EYA3: variants seen among roughly 807,000 people sequenced by gnomAD.
EYA3 encodes the protein EYA transcriptional coactivator and phosphatase 3.
In EYA3, 39 loss-of-function variants were observed where a neutral mutation model predicts 80.0. The ratio of observed to expected loss-of-function variants is 0.49; its 90% confidence interval spans 0.38 to 0.64. The LOEUF is 0.64. EYA3 is among the 30% of genes least tolerant of loss of function. The probability of loss-of-function intolerance (pLI) is 0.00; values close to 1 mark genes in which losing one functional copy is unlikely to be tolerated. For synonymous variants in EYA3, 206 were observed against 232.8 expected (o/e 0.88, Z 1.05); for missense variants, 523 against 676.1 (o/e 0.77, Z 2.51).
intron 10 of EYA3, among the ~76,000 whole-genome samples, chr1:28,007,916 G>T (rs1641409158): frequency 6.6e-6 from 1 of 151,946 alleles, no homozygotes; most frequent in Admixed American, 6.6e-5. Context: ...TGAATCTCAA[G>T]GAACCCCAAA....
intron 1 of EYA3, among the ~76,000 whole-genome samples, chr1:28,060,412 CAT>C (rs1200181223): frequency 2.0e-5 from 3 of 151,912 alleles, no homozygotes; most frequent in African/African-American, 4.8e-5. Context: ...AAAGAAAAAA[CAT>C]AGAAACATTA....
intron 10 of EYA3, among the ~76,000 whole-genome samples, chr1:28,007,526 G>A (rs1446192104): frequency 6.6e-6 from 1 of 151,494 alleles, no homozygotes; most frequent in Non-Finnish European, 1.5e-5. Flanking sequence ...GTAGAGACGG[G>A]GTTTCACCAT....
intron 16 of EYA3, among the ~76,000 whole-genome samples, chr1:27,981,953 C>G (rs1327478361): frequency 6.6e-6 from 1 of 151,866 alleles, no homozygotes; most frequent in African/African-American, 2.4e-5. Context: ...CTCCTCCCAC[C>G]TTAGCCTCCA....
At position 28,012,834 on chromosome 1, in the gene EYA3, C is replaced by T. The variant is rs115178607; in HGVS notation, c.769+277G>A. ...CAAAATATTATAACATGCTGAAGCT[C>T]CCTGTGGCAAGTGGGTTAAAGCTAC... On this transcript the variant is annotated intron_variant, in intron 9 of 17. Coordinates refer to ENST00000373871, the MANE Select transcript of EYA3 (RefSeq NM_001990.4). Among the ~76,000 whole-genome samples, 462 of 152,256 alleles carry T rather than the reference C, an allele frequency of 3.0e-3. 2 individuals are homozygous for T. The highest frequency in any genetic ancestry group is 0.01 in the African/African-American group (427 of 41,542).
In EYA3 at chr1:28,038,917, A is replaced by T. The variant is rs762655603; in HGVS notation, c.158-12T>A. The T allele has an allele frequency of 2.5e-6, 4 of 1,576,196 alleles. No individual in the cohort carries two copies. In the Admixed American group the frequency reaches 5.1e-5, roughly 20 times the overall value. ...GGTGCATGTCATAACTGAAAGAAAG[A>T]TAATATCACCAGGTTAAAAAGTTAG... On this transcript the variant is annotated splice_polypyrimidine_tract_variant and intron_variant, in intron 4 of 17. Coordinates refer to ENST00000373871, the MANE Select transcript of EYA3 (RefSeq NM_001990.4).
At chr1:27,997,155 TCACACTATA>T (rs1490128070) in intron 13 of EYA3, among the ~76,000 whole-genome samples, 156 bp downstream of exon 13, 1 of 152,238 alleles carries the variant, frequency 6.6e-6, no homozygotes, top group African/African-American at 2.4e-5. Flanking sequence ...TGTCACCTTC[TCACACTATA>T]CATCACGGTT....
chr1:28,006,465 G>GCTCTC (rs1262064749), intron 10 of EYA3, among the ~76,000 whole-genome samples: 1 of 152,182 alleles, frequency 6.6e-6, no homozygotes, highest in Non-Finnish European at 1.5e-5. Flanking sequence ...CCAGCACTTT[G>GCTCTC]AGAGACTGAA....
At chr1:28,073,972 G>A (rs1018468130) in intron 1 of EYA3, among the ~76,000 whole-genome samples, 1 of 151,764 alleles carries the variant, frequency 6.6e-6, no homozygotes, top group Non-Finnish European at 1.5e-5. Flanking sequence ...CTGAAATGTT[G>A]GCTAACAAAA....
rs1639755315 is a variant in EYA3 at position 27,987,557 on chromosome 1, C to T, written c.1540+978G>A. ...ACTCAAACTCCTGGGCTCAAGTGAT[C>T]CTCCTGACTCAGCCTCCCAAATACC... On this transcript the variant is annotated intron_variant, in intron 16 of 17. Transcript: ENST00000373871. Among the ~76,000 whole-genome samples the T allele has an allele frequency of 2.6e-5, 4 of 152,230 alleles. No individual in the cohort carries two copies. The South Asian group carries it at 6.2e-4, about 24-fold the overall frequency.
intron 14 of EYA3, among the ~76,000 whole-genome samples, chr1:27,991,479 T>G (rs1386531093): frequency 6.6e-6 from 1 of 152,164 alleles, no homozygotes; most frequent in Admixed American, 6.5e-5. Flanking sequence ...ACACTTCAGT[T>G]AAAATATTCA....
intron 4 of EYA3, among the ~76,000 whole-genome samples, chr1:28,040,137 ATAC>A (rs147925276): frequency 1.8e-4 from 27 of 152,364 alleles, no homozygotes; most frequent in Admixed American, 1.5e-3. Flanking sequence ...AATATCCATT[ATAC>A]TATAGAAGAA....
At chr1:27,996,646 A>G (rs1355856685) in intron 13 of EYA3, among the ~76,000 whole-genome samples, 1 of 152,256 alleles carries the variant, frequency 6.6e-6, no homozygotes, top group Non-Finnish European at 1.5e-5. Flanking sequence ...GAACTGGTGG[A>G]TAGAACACTG....
chr1:28,027,713 T>G, intron 7 of EYA3, 76 bp downstream of exon 7: 1 of 1,577,344 alleles, frequency 6.3e-7, no homozygotes, highest in Non-Finnish European at 8.7e-7. Context: ...ATTTGTTTGT[T>G]TGGAGATACA....
chr1:27,999,017 C>A (rs1156759621), intron 12 of EYA3, among the ~76,000 whole-genome samples: 1 of 152,230 alleles, frequency 6.6e-6, no homozygotes, highest in Non-Finnish European at 1.5e-5. Context: ...GATCTGCCCG[C>A]CTCGGCCTCC....
intron 2 of EYA3, among the ~76,000 whole-genome samples, chr1:28,054,674 C>T (rs1389472475): frequency 6.6e-6 from 1 of 152,132 alleles, no homozygotes; most frequent in African/African-American, 2.4e-5. Context: ...GCCTGGGTAA[C>T]AGGGCAAAAC....
rs1261093627 is a variant in EYA3 at position 27,972,232 on chromosome 1, C to T, written c.*2234G>A. ...ACTGCATAGGGGGAGGGTTTGAGGC[C>T]TCAGAGTAAAACCTAGAGCTTCCTA... On this transcript the variant is annotated 3_prime_UTR_variant, in exon 18 of 18. Coordinates refer to ENST00000373871, the MANE Select transcript of EYA3 (RefSeq NM_001990.4). 6.6e-6 allele frequency: 1 copy of T among 152,128 alleles called. No individual in the cohort carries two copies. Among genetic ancestry groups the T allele is most frequent in the Non-Finnish European group, 1.5e-5 (1 of 68,048 alleles). 9.4% of individuals were successfully genotyped at this position (152,128 alleles called of 1,614,324 possible). A position where few individuals can be genotyped will look rare whatever the true frequency, so the allele number is the denominator to read the frequency against.
chr1:28,057,725 G>A (rs549339213), intron 2 of EYA3, among the ~76,000 whole-genome samples: 4 of 152,052 alleles, frequency 2.6e-5, no homozygotes, highest in East Asian at 1.9e-4. Flanking sequence ...GTAAAGAGAC[G>A]TCCTCTTTTA....
chr1:28,048,489 C>T (rs982578574), intron 2 of EYA3, 63 bp from the exon 3 acceptor site: 3 of 1,290,416 alleles, frequency 2.3e-6, no homozygotes, highest in Non-Finnish European at 3.3e-6. Context: ...CATTTAGCTA[C>T]TCAAACAACA....
At chr1:27,999,618 TTATA>T (rs1271967853) in intron 12 of EYA3, among the ~76,000 whole-genome samples, 12 of 152,134 alleles carry the variant, frequency 7.9e-5, no homozygotes, top group Admixed American at 7.9e-4. Flanking sequence ...CAAACTCACT[TTATA>T]TATATTATTT....
Sources: allele counts gnomAD v4.1 joint callset (sites outside exome capture counted in the v4.1 genomes callset), GRCh38; gene constraint gnomAD v4.1.1; transcripts MANE v1.5; gene names NCBI Gene and HGNC (gene_info 2026-07-23, HGNC 2026-07-21).